Variants in ITGB2 observed in about 807,000 individuals in gnomAD.
ITGB2 encodes the protein integrin beta-2.
Under a neutral mutation model 86.8 loss-of-function variants are expected in ITGB2, and 56 were observed. That is an observed-to-expected ratio of 0.65 (90% CI 0.52 to 0.81). The LOEUF (loss-of-function observed/expected upper bound fraction) is 0.81. Among genes scored for constraint, ITGB2 ranks in the 30% least tolerant of loss-of-function variants. The pLI, the probability that ITGB2 is intolerant of heterozygous loss-of-function variation, is 0.00. For synonymous variants in ITGB2, 457 were observed against 450.4 expected, an observed-to-expected ratio of 1.01 and a Z score of -0.19; for missense variants, 948 against 1,061.2, an observed-to-expected ratio of 0.89 and a Z score of 1.48.
At chr21:44,927,610 A>G (rs1601350090) in intron 1 of ITGB2, 1 of 147,894 alleles carries the variant, frequency 6.8e-6, no homozygotes. Context: ...TTTCTTTTTC[A>G]CTTCTTCCCC....
intron 8 of ITGB2, among the ~76,000 whole-genome samples, chr21:44,897,057 G>A (rs549111239): frequency 1.3e-5 from 2 of 152,250 alleles, no homozygotes; most frequent in East Asian, 3.9e-4. Flanking sequence ...CTGACCCACT[G>A]TCCCGGCAGC....
At position 44,906,990 on chromosome 21, in the gene ITGB2, C is replaced by T. The variant is rs548099370; in HGVS notation, c.253G>A (p.Ala85Thr). ...ADDIMDPTSL[A>T]ETQEDHNGGQ... The stretch of plus-strand genomic sequence containing the variant: ...CCATTGTGGTCTTCCTGGGTTTCAG[C>T]GAGGCTTGTGGGGTCCATGATGTCG... The change falls in exon 4 of 16, where the codon GCT becomes ACT. Residue 85 changes from alanine (A) to threonine (T), a missense_variant. Coordinates refer to ENST00000652462, the MANE Select transcript of ITGB2 (RefSeq NM_000211.5). The T allele has an allele frequency of 7.6e-5, 123 of 1,614,182 alleles. 1 individual carries two copies. In the East Asian group the frequency reaches 1.7e-3, roughly 22 times the overall value.
intron 8 of ITGB2, among the ~76,000 whole-genome samples, chr21:44,897,977 A>T (rs56257457): frequency 0.12 from 18,996 of 152,158 alleles, 1,547 homozygotes; most frequent in East Asian, 0.36. Flanking sequence ...CACCCCACAC[A>T]TGCCAAAGAG....
At chr21:44,888,990 G>A in intron 13 of ITGB2, 95 bp from the exon 14 acceptor site, 2 of 1,166,132 alleles carry the variant, frequency 1.7e-6, no homozygotes, top group Non-Finnish European at 2.5e-6. Context: ...AGGGGGGGCA[G>A]GTGGGGTTGG....
chr21:44,910,824 A>G (rs2084120839), intron 1 of ITGB2, 39 bp from the exon 2 acceptor site: 1 of 1,598,778 alleles, frequency 6.3e-7, no homozygotes, highest in Non-Finnish European at 8.5e-7. Context: ...TCTCAGGCCC[A>G]ACCCCTGGGG....
chr21:44,904,532 C>T (rs1027664962), intron 4 of ITGB2, among the ~76,000 whole-genome samples: 10 of 151,808 alleles, frequency 6.6e-5, no homozygotes, highest in African/African-American at 1.2e-4. Flanking sequence ...CACACATGCA[C>T]GCATACACAC....
At chr21:44,889,607 GATGTTCCTGAGCAAA>G in intron 12 of ITGB2, 112 bp from the exon 13 acceptor site, 1 of 1,051,430 alleles carries the variant, frequency 9.5e-7, no homozygotes, top group Non-Finnish European at 1.4e-6. Context: ...CAGCCTGGGG[GATGTTCCTGAGCAAA>G]AGGCATGGGG....
At chr21:44,889,621 A>G in intron 12 of ITGB2, 126 bp from the exon 13 acceptor site, 1 of 967,810 alleles carries the variant, frequency 1.0e-6, no homozygotes, top group African/African-American at 1.6e-5. Context: ...TTCCTGAGCA[A>G]AAGGCATGGG....
intron 1 of ITGB2, chr21:44,927,857 CA>C (rs2084395182): frequency 6.6e-6 from 1 of 152,266 alleles, no homozygotes; most frequent in African/African-American, 2.4e-5. Context: ...CCCACAGATC[CA>C]TACAAACAGG....
At chr21:44,896,010 T>G (rs1043579212) in intron 8 of ITGB2, among the ~76,000 whole-genome samples, 4 of 151,638 alleles carry the variant, frequency 2.6e-5, no homozygotes, top group African/African-American at 9.8e-5. Flanking sequence ...TCCTCCTGCC[T>G]GCGGTGTGAG....
Position 44,890,120 on chromosome 21 carries a change from G to A in ITGB2, c.1515C>T (p.Ile505=), listed in dbSNP as rs779515705. The A allele has an allele frequency of 5.6e-6, 9 of 1,613,396 alleles. No homozygotes were observed. In the Admixed American group the frequency reaches 8.3e-5, roughly 15 times the overall value. ...GSCRKDNNSI[I]CSGLGDCVCG... is the part of the protein sequence containing the mutation. Reference sequence around the variant, plus strand: ...AGACACAGTCCCCCAGCCCTGAGCAGATGATGGAGTTGTTGTCCTTCCGGC... The same window carrying A: ...AGACACAGTCCCCCAGCCCTGAGCAAATGATGGAGTTGTTGTCCTTCCGGC... Residue 505 remains isoleucine (I), a synonymous_variant, in exon 12 of 16, where the codon ATC becomes ATT. Transcript: ENST00000652462.
chr21:44,894,816 A>G, intron 9 of ITGB2, 155 bp downstream of exon 9: 1 of 689,464 alleles, frequency 1.5e-6, no homozygotes, highest in East Asian at 2.7e-5. Context: ...GGTGTCCTGG[A>G]GGCCTGAGGG....
At chr21:44,891,364 C>G (rs777797564) in intron 11 of ITGB2, among the ~76,000 whole-genome samples, 2 of 152,236 alleles carry the variant, frequency 1.3e-5, no homozygotes, top group Non-Finnish European at 2.9e-5. Flanking sequence ...TGCCCCAGGG[C>G]TGCCAGCCTG....
intron 4 of ITGB2, 141 bp downstream of exon 4, chr21:44,906,774 G>C: frequency 1.2e-6 from 1 of 839,020 alleles, no homozygotes; most frequent in South Asian, 1.5e-5. Flanking sequence ...CAGCCTTGGG[G>C]CTTCACTGGC....
At chr21:44,891,410 C>G (rs975486332) in intron 11 of ITGB2, among the ~76,000 whole-genome samples, 5 of 152,230 alleles carry the variant, frequency 3.3e-5, no homozygotes, top group Non-Finnish European at 7.3e-5. Context: ...GAGAAGCCAG[C>G]TCCTAGGGTC....
chr21:44,906,912 T>G lies in ITGB2; in HGVS notation c.328+3A>C. 6.2e-7 allele frequency: 1 copy of G among 1,614,228 alleles called. No individual in the cohort carries two copies. The highest frequency in any genetic ancestry group is 8.5e-7 in the Non-Finnish European group (1 of 1,180,030). On this transcript the variant is annotated splice_donor_region_variant and intron_variant, in intron 4 of 15. Coordinates refer to ENST00000652462, the MANE Select transcript of ITGB2 (RefSeq NM_000211.5). Reference sequence around the variant, plus strand: ...CTGGCACCACCACCGAGGCCAAGCCTACCTGGTCGCAGGTAAAGCGTCACT... The same window carrying G: ...CTGGCACCACCACCGAGGCCAAGCCGACCTGGTCGCAGGTAAAGCGTCACT...
intron 13 of ITGB2, 127 bp from the exon 14 acceptor site, chr21:44,889,022 G>A: frequency 1.3e-6 from 1 of 769,992 alleles, no homozygotes; most frequent in African/African-American, 1.7e-5. Flanking sequence ...GCCAAGGAGG[G>A]GGCCCAAGTG....
In ITGB2 at chr21:44,889,262, C is replaced by G. The variant is rs766719580; in HGVS notation, c.1877+14G>C. On this transcript the variant is annotated intron_variant, in intron 13 of 15. Transcript: ENST00000652462. ...GGGATCCCTGCCCGCCCTGCCTGCTCCGCCTGCACTCACATGTACTTGCCA... is the reference window on the plus strand; with the variant it reads ...GGGATCCCTGCCCGCCCTGCCTGCTGCGCCTGCACTCACATGTACTTGCCA... The G allele has an allele frequency of 6.2e-7, 1 of 1,611,756 alleles. No individual in the cohort carries two copies. Among genetic ancestry groups the G allele is most frequent in the Admixed American group, 1.7e-5 (1 of 60,004 alleles).
rs769238968 is a variant in ITGB2 at position 44,899,094 on chromosome 21, C to T, written c.966G>A (p.Val322=). 2 of 1,614,146 alleles carry T rather than the reference C, an allele frequency of 1.2e-6. No individual in the cohort carries two copies. Among genetic ancestry groups the T allele is most frequent in the Admixed American group, 1.7e-5 (1 of 60,030 alleles). ...CGTAGGTCTTCACCATCCTACTGGT[C>T]ACCGCGAAGATGGGCTGGATGTTGT... The part of the protein sequence containing the change: ...AENNIQPIFA[V]TSRMVKTYEK... The change falls in exon 8 of 16, where the codon GTG becomes GTA. Residue 322 remains valine, a synonymous_variant. Coordinates refer to ENST00000652462, the MANE Select transcript of ITGB2 (RefSeq NM_000211.5).
Sources: gnomAD v4.1 joint callset for allele counts (sites outside exome capture counted in the v4.1 genomes callset) on GRCh38, gnomAD v4.1.1 for gene constraint, MANE v1.5 for transcripts, NCBI Gene and HGNC (gene_info 2026-07-23, HGNC 2026-07-21) for gene names.